Variants in JPH2 observed in about 807,000 individuals in gnomAD.
The protein encoded by JPH2 is junctophilin-2.
A neutral mutation model predicts 55.9 loss-of-function variants in JPH2; 38 were observed. The observed-to-expected ratio is 0.68, with a 90% confidence interval of 0.52 to 0.89. The LOEUF (loss-of-function observed/expected upper bound fraction) is 0.89, where lower values mean the gene tolerates loss of function less well. Among genes scored for constraint, JPH2 ranks in the 40% least tolerant of loss-of-function variants. JPH2 has a pLI of 0.00. For missense variants in JPH2, 964 were observed against 1,037.6 expected (o/e 0.93, Z 0.97); for synonymous variants, 480 against 472.4 (o/e 1.02, Z -0.21).
At chr20:44,139,550 G>C (rs532064571) in intron 2 of JPH2, among the ~76,000 whole-genome samples, 49 of 151,994 alleles carry the variant, frequency 3.2e-4, no homozygotes, top group African/African-American at 1.1e-3. Flanking sequence ...TATATACACA[G>C]CAAAGAAAAA....
chr20:44,186,933 A>G lies in JPH2; in HGVS notation c.-228T>C, dbSNP rs1048489372. The stretch of plus-strand genomic sequence containing the variant: ...CCCGGGAGCCCCGACTCCACCAGCC[A>G]GAGCAAGGCTGCCTGCTGGAAAGAA... On this transcript the variant is annotated 5_prime_UTR_variant, in exon 1 of 6. Coordinates refer to ENST00000372980, the MANE Select transcript of JPH2 (RefSeq NM_020433.5). 46 of 593,740 alleles carry G rather than the reference A, an allele frequency of 7.7e-5. No homozygotes were observed. In the African/African-American group the frequency reaches 8.5e-4, roughly 11 times the overall value. 36.8% of individuals were successfully genotyped at this position (593,740 alleles called of 1,614,324 possible).
At chr20:44,144,704 G>C (rs1286354075) in intron 2 of JPH2, among the ~76,000 whole-genome samples, 1 of 152,234 alleles carries the variant, frequency 6.6e-6, no homozygotes, top group African/African-American at 2.4e-5. Context: ...AAGCCCAGCT[G>C]TGTCAGTTCT....
intron 2 of JPH2, among the ~76,000 whole-genome samples, chr20:44,157,379 A>G (rs2072573508): frequency 6.6e-6 from 1 of 152,200 alleles, no homozygotes; most frequent in African/African-American, 2.4e-5. Context: ...GGTCATCTCC[A>G]CTGCAGAGCA....
chr20:44,183,568 C>T (rs1332749767), intron 1 of JPH2, among the ~76,000 whole-genome samples: 1 of 152,234 alleles, frequency 6.6e-6, no homozygotes, highest in Non-Finnish European at 1.5e-5. Flanking sequence ...TTCAGCAAAC[C>T]TTGCTCCCTG....
At chr20:44,179,017 A>G (rs1421894496) in intron 1 of JPH2, among the ~76,000 whole-genome samples, 1 of 152,184 alleles carries the variant, frequency 6.6e-6, no homozygotes, top group Admixed American at 6.5e-5. Context: ...CTTTGAGCAG[A>G]AGAAAGAAAA....
chr20:44,107,455 G>A lies in JPH2; in HGVS notation c.*6063C>T, dbSNP rs998821209. On this transcript the variant is annotated 3_prime_UTR_variant, in exon 6 of 6. Transcript: ENST00000372980. The stretch of plus-strand genomic sequence containing the variant: ...AACTGAGCTCTGGCTAGTGGAATAT[G>A]AGCAGAAGTGATGTGTGCTGTTTTC... 2.0e-5 allele frequency among the ~76,000 whole-genome samples: 3 copies of A among 152,212 alleles called. No homozygotes were observed. Among genetic ancestry groups the A allele is most frequent in the African/African-American group, 7.2e-5 (3 of 41,460 alleles).
rs530710579 is a variant in JPH2 at position 44,175,072 on chromosome 20, T to C, written c.379+11255A>G. Among the ~76,000 whole-genome samples, 24 of 152,206 alleles carry C rather than the reference T, an allele frequency of 1.6e-4. No homozygotes were observed. The East Asian group carries it at 4.4e-3, about 28-fold the overall frequency. ...AAAAAATCCAAACAAGAGAAGAGTA[T>C]ATAAAAGAAAACACCTTTGTCCGGT... On this transcript the variant is annotated intron_variant, in intron 1 of 5. Coordinates refer to ENST00000372980, the MANE Select transcript of JPH2 (RefSeq NM_020433.5).
chr20:44,177,719 G>T, intron 1 of JPH2: 1 of 1,358,638 alleles, frequency 7.4e-7, no homozygotes, highest in Non-Finnish European at 9.5e-7. Flanking sequence ...AGGACTCAAG[G>T]CAGAACTAAG....
At chr20:44,145,435 G>A (rs577592571) in intron 2 of JPH2, among the ~76,000 whole-genome samples, 6 of 151,982 alleles carry the variant, frequency 3.9e-5, no homozygotes, top group Admixed American at 6.6e-5. Flanking sequence ...TGAAACCCCC[G>A]TCTCTACGAA....
At chr20:44,137,570 G>A (rs2072423179) in intron 2 of JPH2, among the ~76,000 whole-genome samples, 1 of 152,192 alleles carries the variant, frequency 6.6e-6, no homozygotes, top group South Asian at 2.1e-4. Flanking sequence ...GGGGGCTGGC[G>A]ACCCTGCTGT....
Position 44,184,162 on chromosome 20 carries a change from A to G in JPH2, c.379+2165T>C, listed in dbSNP as rs1346014858. 2.0e-5 allele frequency among the ~76,000 whole-genome samples: 3 copies of G among 151,458 alleles called. No homozygotes were observed. The East Asian group carries it at 6.4e-4, about 32-fold the overall frequency. ...ACAGAGTAAGACCCTGTCTCAAAAA[A>G]CAAACAAACAAAAGAAGTCAGATAG... is the stretch of plus-strand genomic sequence containing the variant. On this transcript the variant is annotated intron_variant, in intron 1 of 5. Transcript: ENST00000372980.
intron 1 of JPH2, among the ~76,000 whole-genome samples, chr20:44,181,468 C>A (rs6065707): frequency 6.6e-6 from 1 of 152,062 alleles, no homozygotes; most frequent in African/African-American, 2.4e-5. Context: ...CTGTTCTTTC[C>A]TTTTGAAAAA....
At chr20:44,143,339 G>A (rs2072471657) in intron 2 of JPH2, among the ~76,000 whole-genome samples, 1 of 152,178 alleles carries the variant, frequency 6.6e-6, no homozygotes, top group Non-Finnish European at 1.5e-5. Context: ...CCCCGTAGCT[G>A]TGGAGGCAAG....
intron 2 of JPH2, among the ~76,000 whole-genome samples, chr20:44,149,632 A>G (rs1297181969): frequency 1.3e-5 from 2 of 151,520 alleles, no homozygotes; most frequent in Non-Finnish European, 2.9e-5. Context: ...CTTCCCCCCA[A>G]CCCCTGCTCC....
At chr20:44,126,719 T>C (rs6093936) in intron 2 of JPH2, among the ~76,000 whole-genome samples, 48,758 of 152,106 alleles carry the variant, frequency 0.32, 7,909 homozygotes, top group East Asian at 0.47. Context: ...TCGGCAAATG[T>C]GTGCTGAGCC....
intron 1 of JPH2, chr20:44,177,260 C>T (rs2072741952): frequency 1.3e-5 from 13 of 986,042 alleles, no homozygotes; most frequent in Non-Finnish European, 1.6e-5. Context: ...CCCCCTCGCC[C>T]CACACCCCAC....
intron 2 of JPH2, among the ~76,000 whole-genome samples, chr20:44,130,106 G>A (rs1424074317): frequency 6.6e-6 from 1 of 152,168 alleles, no homozygotes; most frequent in Non-Finnish European, 1.5e-5. Context: ...GTGATCTCAT[G>A]TCATCCTCAA....
intron 1 of JPH2, among the ~76,000 whole-genome samples, chr20:44,181,189 C>A (rs773827864): frequency 1.0e-3 from 152 of 151,998 alleles, no homozygotes; most frequent in Non-Finnish European, 1.8e-3. Context: ...GAGGGGTCGG[C>A]GAGATGGGAA....
chr20:44,140,293 C>A (rs560599166), intron 2 of JPH2, among the ~76,000 whole-genome samples: 2 of 152,278 alleles, frequency 1.3e-5, no homozygotes, highest in Admixed American at 1.3e-4. Context: ...ACTGTGCAGG[C>A]CTGAGCCCAG....
Sources: gnomAD v4.1 joint callset for allele counts (sites outside exome capture counted in the v4.1 genomes callset) on GRCh38, gnomAD v4.1.1 for gene constraint, MANE v1.5 for transcripts, NCBI Gene and HGNC (gene_info 2026-07-23, HGNC 2026-07-21) for gene names.